PDE4D: variants seen among roughly 807,000 people sequenced by gnomAD.
PDE4D encodes the protein phosphodiesterase 4D.
A neutral mutation model predicts 87.4 loss-of-function variants in PDE4D; 24 were observed. The ratio of observed to expected loss-of-function variants is 0.27; its 90% CI spans 0.20 to 0.39. The LOEUF is 0.39. Among genes scored for constraint, PDE4D ranks in the 10% least tolerant of loss-of-function variants. The probability of loss-of-function intolerance (pLI) is 1.00; values close to 1 mark genes in which losing one functional copy is unlikely to be tolerated. For missense variants in PDE4D, 714 were observed against 1,041.0 expected (o/e 0.69, Z 4.32); for synonymous variants, 384 against 383.2 (o/e 1.00, Z -0.02).
At chr5:60,323,167 C>T (rs917432236) in intron 1 of PDE4D, among the ~76,000 whole-genome samples, 9 of 152,184 alleles carry the variant, frequency 5.9e-5, no homozygotes, top group African/African-American at 1.9e-4. Context: ...ACCACCTGTA[C>T]ACTTATGATA....
intron 2 of PDE4D, among the ~76,000 whole-genome samples, chr5:60,181,854 T>G (rs367987573): frequency 6.6e-6 from 1 of 152,166 alleles, no homozygotes; most frequent in East Asian, 1.9e-4. Context: ...ACAGGGATAT[T>G]ATAAAGAAAA....
intron 1 of PDE4D, among the ~76,000 whole-genome samples, chr5:59,759,544 G>A (rs1162288690): frequency 1.3e-5 from 2 of 152,126 alleles, no homozygotes; most frequent in African/African-American, 4.8e-5. Flanking sequence ...CCTTAAACAT[G>A]ACAAGCCAAT....
intron 5 of PDE4D, among the ~76,000 whole-genome samples, chr5:59,158,238 T>C (rs1271677887): frequency 6.6e-6 from 1 of 152,176 alleles, no homozygotes; most frequent in Non-Finnish European, 1.5e-5. Flanking sequence ...TTCCATATTT[T>C]AGCAAGCAAA....
intron 1 of PDE4D, among the ~76,000 whole-genome samples, chr5:60,243,988 C>T (rs568836128): frequency 2.6e-5 from 4 of 151,754 alleles, no homozygotes; most frequent in South Asian, 2.1e-4. Context: ...ACAGGGTATC[C>T]GAATTAGAAA....
intron 5 of PDE4D, among the ~76,000 whole-genome samples, chr5:59,149,706 G>GTTTTTTT (rs76421367): frequency 0.015 from 1,041 of 69,256 alleles, 183 homozygotes; most frequent in Non-Finnish European, 0.019. Flanking sequence ...CTCTCCTCGA[G>GTTTTTTT]TTTTTTTTTT....
rs1744449731 is a variant in PDE4D at position 60,432,723 on chromosome 5, A to ACCTATACCATAGGTAT, written c.-90+55218_-90+55219insATACCTATGGTATAGG. 2.0e-5 allele frequency among the ~76,000 whole-genome samples: 3 copies of ACCTATACCATAGGTAT among 152,216 alleles called. No individual in the cohort carries two copies. The East Asian group carries it at 5.8e-4, about 29-fold the overall frequency. On this transcript the variant is annotated intron_variant, in intron 1 of 16. Transcript: ENST00000502484. Reference sequence around the variant, plus strand: ...ACCAAGACAGCATGGTATAGGTACAAAAATAGATACATAGACCACTGGAAC... The same window carrying ACCTATACCATAGGTAT: ...ACCAAGACAGCATGGTATAGGTACAACCTATACCATAGGTATAAATAGATACATAGACCACTGGAAC...
Position 60,333,688 on chromosome 5 carries a change from TTCC to T in PDE4D, c.-89-148004_-89-148002del, listed in dbSNP as rs371309887. ...AATCACGCCCCAAACTTCTACCAGC[TTCC>T]TCAATTCACCACATGCATTATGTGT... On this transcript the variant is annotated intron_variant, in intron 1 of 16. Coordinates refer to the PDE4D transcript ENST00000502484. Among the ~76,000 whole-genome samples, 62 of 152,310 alleles carry T rather than the reference TTCC, an allele frequency of 4.1e-4. 1 individual carries two copies. Among genetic ancestry groups the T allele is most frequent in the African/African-American group, 1.5e-3 (61 of 41,582 alleles).
chr5:60,046,350 C>T (rs1482155186), intron 2 of PDE4D, among the ~76,000 whole-genome samples: 1 of 152,044 alleles, frequency 6.6e-6, no homozygotes, highest in East Asian at 1.9e-4. Flanking sequence ...TAATTGAATA[C>T]CCTTTATTTC....
intron 1 of PDE4D, among the ~76,000 whole-genome samples, chr5:59,626,740 T>C (rs961898427): frequency 6.6e-6 from 1 of 152,136 alleles, no homozygotes; most frequent in African/African-American, 2.4e-5. Flanking sequence ...GAGAATAGAG[T>C]CAATATTTTG....
intron 2 of PDE4D, among the ~76,000 whole-genome samples, chr5:60,162,542 T>C (rs1362490074): frequency 6.6e-6 from 1 of 152,132 alleles, no homozygotes; most frequent in African/African-American, 2.4e-5. Context: ...AAATCCAAAC[T>C]TACCTCCCAA....
chr5:59,378,796 A>T (rs1041090806), intron 1 of PDE4D, among the ~76,000 whole-genome samples: 8 of 152,186 alleles, frequency 5.3e-5, no homozygotes, highest in South Asian at 2.1e-4. Flanking sequence ...AAATTTTTAT[A>T]CCAGGTCATT....
intron 5 of PDE4D, among the ~76,000 whole-genome samples, chr5:59,163,802 G>T (rs1265820105): frequency 2.0e-5 from 3 of 152,130 alleles, no homozygotes; most frequent in African/African-American, 7.2e-5. Context: ...TGAGCAAAAT[G>T]TGTCTGAGGA....
At chr5:60,154,056 G>T (rs1432162967) in intron 2 of PDE4D, among the ~76,000 whole-genome samples, 1 of 152,018 alleles carries the variant, frequency 6.6e-6, no homozygotes. Flanking sequence ...ATTACAGCAG[G>T]TCAAAAATAA....
intron 1 of PDE4D, among the ~76,000 whole-genome samples, chr5:59,711,675 CA>C (rs1266577109): frequency 3.9e-5 from 6 of 152,140 alleles, no homozygotes; most frequent in Non-Finnish European, 8.8e-5. Context: ...TTTATGCCTT[CA>C]TCATTTCCAA....
chr5:60,077,987 A>C lies in PDE4D; in HGVS notation c.43-89270T>G, dbSNP rs536026944. 8.6e-5 allele frequency among the ~76,000 whole-genome samples: 13 copies of C among 152,042 alleles called. 1 individual carries two copies. Among genetic ancestry groups the C allele is most frequent in the Admixed American group, 5.9e-4 (9 of 15,274 alleles). On this transcript the variant is annotated intron_variant, in intron 2 of 16. Coordinates refer to the PDE4D transcript ENST00000502484. ...AGCCCAGCATCTGTGTCTTCCCTCT[A>C]TCTGCCCTCAGTGCCTTCCCTGTGA... is the stretch of plus-strand genomic sequence containing the variant.
intron 3 of PDE4D, among the ~76,000 whole-genome samples, chr5:59,966,400 T>C (rs1394781078): frequency 6.6e-6 from 1 of 152,198 alleles, no homozygotes; most frequent in Admixed American, 6.6e-5. Context: ...ACCTATATTT[T>C]TACATTTTGT....
intron 5 of PDE4D, among the ~76,000 whole-genome samples, chr5:59,085,815 G>A (rs959707052): frequency 2.6e-5 from 4 of 152,116 alleles, no homozygotes; most frequent in African/African-American, 4.8e-5. Flanking sequence ...TGTTACTGGA[G>A]GTCTAAGAAG....
At chr5:59,521,390 C>A (rs1562327225) in intron 1 of PDE4D, among the ~76,000 whole-genome samples, 1 of 152,150 alleles carries the variant, frequency 6.6e-6, no homozygotes. Context: ...AACGTGGAGA[C>A]CCCAAGTCTT....
intron 1 of PDE4D, among the ~76,000 whole-genome samples, chr5:60,461,173 A>C (rs1466140786): frequency 6.6e-6 from 1 of 152,230 alleles, no homozygotes; most frequent in East Asian, 1.9e-4. Context: ...TTTTCCCTTC[A>C]AACATCCATC....
Sources: gnomAD v4.1 joint callset for allele counts (sites outside exome capture counted in the v4.1 genomes callset) on GRCh38, gnomAD v4.1.1 for gene constraint, MANE v1.5 for transcripts, NCBI Gene and HGNC (gene_info 2026-07-23, HGNC 2026-07-21) for gene names.